The following ANK3 variants were observed in gnomAD, a reference collection of about 807,000 sequenced individuals.
The protein encoded by ANK3 is ankyrin-3.
Under a neutral mutation model 370.9 loss-of-function variants are expected in ANK3, and 57 were observed. The ratio of observed to expected loss-of-function variants is 0.15; its 90% CI spans 0.12 to 0.19. ANK3 has a LOEUF of 0.19. ANK3 is among the 10% of genes least tolerant of loss of function. ANK3 has a pLI of 1.00. For missense variants in ANK3, 4,439 were observed against 5,302.1 expected, an observed-to-expected ratio of 0.84 and a Z score of 5.06; for synonymous variants, 1,929 against 1,946.3, an observed-to-expected ratio of 0.99 and a Z score of 0.23.
At chr10:60,160,868 G>C (rs10994228) in intron 23 of ANK3, among the ~76,000 whole-genome samples, 14,885 of 151,954 alleles carry the variant, frequency 0.098, 2,014 homozygotes, top group African/African-American at 0.3. Flanking sequence ...GGTCAAAAAA[G>C]TAGTATAGAA....
At chr10:60,714,939 G>A (rs530336838) in intron 1 of ANK3, among the ~76,000 whole-genome samples, 59 of 152,230 alleles carry the variant, frequency 3.9e-4, no homozygotes, top group Non-Finnish European at 6.2e-4. Flanking sequence ...AAAACTCATA[G>A]AACTGTACAA....
chr10:60,140,264 T>C, intron 23 of ANK3: 1 of 1,371,536 alleles, frequency 7.3e-7, no homozygotes, highest in Non-Finnish European at 1.0e-6. Context: ...GAGATTATTT[T>C]AAGTAACTAT....
intron 8 of ANK3, among the ~76,000 whole-genome samples, chr10:60,226,545 ATATACTATAGTATATATACATAGTATAT>A (rs1322458400): frequency 2.6e-4 from 5 of 19,356 alleles, no homozygotes; most frequent in African/African-American, 5.0e-4. Flanking sequence ...TACATAGTAT[ATATACTATAGTATATATACATAGTATAT>A]GTATATATAC....
At chr10:60,469,031 GTATA>G (rs71015795) in intron 2 of ANK3, among the ~76,000 whole-genome samples, 519 of 11,602 alleles carry the variant, frequency 0.045, 70 homozygotes, top group African/African-American at 0.13. Flanking sequence ...CACTTTTAGT[GTATA>G]TATATATATA....
chr10:60,664,751 T>A (rs2078976091), intron 1 of ANK3, among the ~76,000 whole-genome samples: 1 of 152,224 alleles, frequency 6.6e-6, no homozygotes, highest in African/African-American at 2.4e-5. Context: ...ATTGCATAGA[T>A]ATTTGCTTCA....
intron 1 of ANK3, among the ~76,000 whole-genome samples, chr10:60,337,034 A>AAC (rs1555308994): frequency 7.2e-5 from 11 of 151,900 alleles, no homozygotes; most frequent in South Asian, 6.2e-4. Context: ...TTTAAAAAAA[A>AAC]AAACAAACAG....
intron 43 of ANK3, among the ~76,000 whole-genome samples, chr10:60,039,034 T>G (rs1277652331): frequency 3.3e-5 from 5 of 152,216 alleles, no homozygotes; most frequent in African/African-American, 1.2e-4. Flanking sequence ...GGACTTTGTA[T>G]TTTCAGTGTT....
At chr10:60,289,069 T>C (rs999702213) in intron 1 of ANK3, among the ~76,000 whole-genome samples, 1 of 152,086 alleles carries the variant, frequency 6.6e-6, no homozygotes, top group Admixed American at 6.5e-5. Context: ...TGTGAAAATA[T>C]GGTTGTATGT....
chr10:60,643,469 G>A (rs1483200577), intron 1 of ANK3, among the ~76,000 whole-genome samples: 1 of 151,452 alleles, frequency 6.6e-6, no homozygotes. Flanking sequence ...TCTTGTGATT[G>A]TATAAGTTAA....
intron 1 of ANK3, among the ~76,000 whole-genome samples, chr10:60,304,109 A>C (rs1255361268): frequency 6.6e-6 from 1 of 152,102 alleles, no homozygotes; most frequent in African/African-American, 2.4e-5. Context: ...AGAAGAGAAA[A>C]TGAGAAGATG....
In ANK3 at chr10:60,069,238, C is replaced by T. The variant is rs754358651; in HGVS notation, c.11643G>A (p.Met3881Ile). ...SPKDTFPPNH[M>I]SNTKASKMKQ... ...TCATTTTACTTGCTTTAGTGTTTGACATATGGTTCGGTGGGAAGGTATCTT... is the reference window on the plus strand; with the variant it reads ...TCATTTTACTTGCTTTAGTGTTTGATATATGGTTCGGTGGGAAGGTATCTT... The change falls in exon 37 of 44, where the codon ATG (methionine) becomes ATA (isoleucine). Residue 3881 changes from methionine to isoleucine, a missense_variant. Around this residue, in one of 13 missense-constraint regions of ANK3, gnomAD observed 496 missense variants for 529.3 expected, o/e 0.94. Transcript: ENST00000280772. 1 of 1,614,112 alleles carries T rather than the reference C, an allele frequency of 6.2e-7. No homozygotes were observed. The highest frequency in any genetic ancestry group is 1.1e-5 in the South Asian group (1 of 91,084).
At chr10:60,511,606 A>T (rs969908977) in intron 2 of ANK3, among the ~76,000 whole-genome samples, 1 of 152,112 alleles carries the variant, frequency 6.6e-6, no homozygotes, top group Non-Finnish European at 1.5e-5. Flanking sequence ...GTCTCAGAAT[A>T]TTATTTTCAA....
At chr10:60,058,503 T>C (rs1354851047) in intron 41 of ANK3, among the ~76,000 whole-genome samples, 3 of 152,312 alleles carry the variant, frequency 2.0e-5, no homozygotes, top group South Asian at 2.1e-4. Context: ...TAGAAGGATA[T>C]GTAAAATCAG....
In ANK3 at chr10:60,059,347, C is replaced by G; in HGVS notation, c.12679G>C (p.Asp4227His). ...TTTTTGAAACAGCCATACCTGTCATCCAGTCGATCTAGTAACCCACCAGTT... is the reference window on the plus strand; with the variant it reads ...TTTTTGAAACAGCCATACCTGTCATGCAGTCGATCTAGTAACCCACCAGTT... ...RVTGGLLDRL[D>H]DSPDQCRDSI... is the part of the protein sequence containing the mutation. Residue 4227 changes from aspartate to histidine, a missense_variant, in exon 41 of 44, where the codon GAT becomes CAT. By Grantham distance (81) the Asp-to-His change is moderately conservative (BLOSUM62 -1). This residue lies in a region of ANK3 where 242 missense variants were observed against 228.0 expected (regional missense o/e 1.06). Transcript: ENST00000280772. The G allele has an allele frequency of 6.2e-7, 1 of 1,613,880 alleles. No individual in the cohort carries two copies. The highest frequency in any genetic ancestry group is 1.1e-5 in the South Asian group (1 of 91,072).
chr10:60,226,470 GTATATATACTA>G (rs1337163899), intron 8 of ANK3, among the ~76,000 whole-genome samples: 1 of 91,182 alleles, frequency 1.1e-5, no homozygotes, highest in Admixed American at 1.2e-4. Flanking sequence ...TATATACATA[GTATATATACTA>G]TATATATACA....
In ANK3 at chr10:60,086,754, G is replaced by A. The variant is rs1383565358; in HGVS notation, c.3671C>T (p.Pro1224Leu). Residue 1224 changes from proline (P) to leucine (L), a missense_variant, in exon 30 of 44, where the codon CCG becomes CTG. Physicochemically the swap from Pro to Leu is moderately conservative, Grantham distance 98 (BLOSUM62 -3). This residue lies in a region of ANK3 where 702 missense variants were observed against 941.5 expected (regional missense o/e 0.75). Transcript: ENST00000280772. ...ATTGGATACACCTTCTCCTGAGGGC[G>A]GGGGCACCGGAATGGTCATTGTGAT... Reference protein sequence around the residue: ...KPITMTIPVPPPSGEGVSNGY... With the variant: ...KPITMTIPVPLPSGEGVSNGY... 37 of 1,613,916 alleles carry A rather than the reference G, an allele frequency of 2.3e-5. No homozygotes were observed. Among genetic ancestry groups the A allele is most frequent in the Admixed American group, 1.7e-4 (10 of 60,004 alleles).
chr10:60,111,623 G>T, intron 26 of ANK3: 1 of 337,086 alleles, frequency 3.0e-6, no homozygotes, highest in Non-Finnish European at 6.0e-6. Context: ...AGGAACAGCA[G>T]GATGACAAAT....
At chr10:60,334,798 A>C (rs1281435952) in intron 1 of ANK3, among the ~76,000 whole-genome samples, 2 of 152,204 alleles carry the variant, frequency 1.3e-5, no homozygotes, top group Middle Eastern at 3.2e-3. Flanking sequence ...GGGCATAAAA[A>C]TAATAATCTA....
intron 16 of ANK3, among the ~76,000 whole-genome samples, chr10:60,188,423 AT>A (rs1233023608): frequency 2.0e-5 from 3 of 152,134 alleles, no homozygotes; most frequent in Non-Finnish European, 1.5e-5. Flanking sequence ...AATCAGAATG[AT>A]TTTTTTCCAT....
Sources: allele counts gnomAD v4.1 joint callset (sites outside exome capture counted in the v4.1 genomes callset), GRCh38; gene constraint gnomAD v4.1.1; regional missense constraint gnomAD v4.1.1; transcripts MANE v1.5; gene names NCBI Gene and HGNC (gene_info 2026-07-23, HGNC 2026-07-21).